The following OTUD4 variants were observed in gnomAD, a reference collection of about 807,000 sequenced individuals.
OTUD4 encodes OTU deubiquitinase 4, also known as OTU domain-containing protein 4.
Under a neutral mutation model 130.4 loss-of-function variants are expected in OTUD4, and 24 were observed. The ratio of observed to expected loss-of-function variants is 0.18; its 90% confidence interval spans 0.13 to 0.26. The LOEUF is 0.26. OTUD4 is among the 10% of genes least tolerant of loss of function. OTUD4 has a pLI of 1.00. For synonymous variants in OTUD4, 420 were observed against 472.5 expected, an observed-to-expected ratio of 0.89 and a Z score of 1.44; for missense variants, 1,031 against 1,329.4, an observed-to-expected ratio of 0.78 and a Z score of 3.49.
At chr4:145,172,114 C>T (rs957236048) in intron 2 of OTUD4, among the ~76,000 whole-genome samples, 1 of 152,218 alleles carries the variant, frequency 6.6e-6, no homozygotes, top group South Asian at 2.1e-4. Flanking sequence ...TGTTGTGGAA[C>T]TGAGTGGGAG....
intron 13 of OTUD4, among the ~76,000 whole-genome samples, chr4:145,148,852 T>C (rs1750937400): frequency 6.6e-6 from 1 of 152,206 alleles, no homozygotes; most frequent in African/African-American, 2.4e-5. Flanking sequence ...TCTTAGATAC[T>C]TTTCGTGCAT....
rs987788482 is a variant in OTUD4, at chr4:145,159,651, G to A, written c.497-16C>T. 34 of 1,610,018 alleles carry A rather than the reference G, an allele frequency of 2.1e-5. No homozygotes were observed. Among genetic ancestry groups the A allele is most frequent in the Non-Finnish European group, 2.9e-5 (34 of 1,178,060 alleles). ...TAAAGGAGAGCTGCAATTAATGACA[G>A]ACAGATTTTCCAACATTAACTACAG... On this transcript the variant is annotated splice_polypyrimidine_tract_variant and intron_variant, in intron 6 of 20. Coordinates refer to ENST00000447906, the MANE Select transcript of OTUD4 (RefSeq NM_001366057.1).
intron 1 of OTUD4, among the ~76,000 whole-genome samples, chr4:145,176,628 G>A (rs1323266473): frequency 1.3e-5 from 2 of 152,138 alleles, no homozygotes; most frequent in Non-Finnish European, 2.9e-5. Flanking sequence ...GAAACCAGGA[G>A]GCAGAGGTTG....
chr4:145,151,860 G>T (rs1751084262), intron 11 of OTUD4, among the ~76,000 whole-genome samples: 3 of 152,114 alleles, frequency 2.0e-5, no homozygotes, highest in African/African-American at 7.2e-5. Context: ...CACTGTATAA[G>T]GTAAGCCAAC....
chr4:145,162,551 CA>C (rs528133721), intron 6 of OTUD4, 88 bp downstream of exon 6: 170 of 637,664 alleles, frequency 2.7e-4, no homozygotes, highest in Admixed American at 4.2e-4. Flanking sequence ...GACTCCGTCT[CA>C]AAAAAAAACA....
intron 13 of OTUD4, among the ~76,000 whole-genome samples, chr4:145,148,752 A>C (rs919968833): frequency 2.0e-5 from 3 of 152,182 alleles, no homozygotes; most frequent in Admixed American, 6.5e-5. Context: ...AAAAAATGGG[A>C]ATATTAAACA....
intron 7 of OTUD4, 85 bp downstream of exon 7, chr4:145,159,418 G>C: frequency 1.3e-6 from 2 of 1,582,544 alleles, no homozygotes; most frequent in Non-Finnish European, 1.7e-6. Flanking sequence ...ATATGTTATA[G>C]AAAGACATTT....
chr4:145,137,354 T>G lies in OTUD4; in HGVS notation c.*76A>C. ...AAGAGTTCCAACTGCGGTTTTTACT[T>G]TATTGTATTTTTTTTAAAGCCTTCA... On this transcript the variant is annotated 3_prime_UTR_variant, in exon 21 of 21. Transcript: ENST00000447906. 7.8e-7 allele frequency: 1 copy of G among 1,283,912 alleles called. No individual in the cohort carries two copies. Among genetic ancestry groups the G allele is most frequent in the Non-Finnish European group, 1.1e-6 (1 of 920,222 alleles). 79.5% of individuals were successfully genotyped at this position (1,283,912 alleles called of 1,614,324 possible).
At chr4:145,178,214 T>TA (rs1290209090) in intron 1 of OTUD4, 1 of 152,206 alleles carries the variant, frequency 6.6e-6, no homozygotes, top group Non-Finnish European at 1.5e-5. Context: ...AAAAGAGGCT[T>TA]CTGTATAATC....
intron 13 of OTUD4, among the ~76,000 whole-genome samples, chr4:145,148,366 G>A (rs1208856895): frequency 6.6e-6 from 1 of 152,164 alleles, no homozygotes; most frequent in Non-Finnish European, 1.5e-5. Flanking sequence ...AGGCATGGTG[G>A]TGCATGCCTA....
At chr4:145,165,713 T>C (rs1441385980) in intron 3 of OTUD4, among the ~76,000 whole-genome samples, 2 of 151,582 alleles carry the variant, frequency 1.3e-5, no homozygotes, top group East Asian at 3.9e-4. Flanking sequence ...TGACCTCAGG[T>C]GATCCACCCG....
At chr4:145,146,184 C>A in intron 14 of OTUD4, 83 bp downstream of exon 14, 1 of 828,156 alleles carries the variant, frequency 1.2e-6, no homozygotes, top group South Asian at 3.4e-5. Context: ...ATTAGTTTAC[C>A]CTTGGGAACT....
intron 5 of OTUD4, among the ~76,000 whole-genome samples, chr4:145,163,212 A>G (rs1315916570): frequency 6.6e-6 from 1 of 152,186 alleles, no homozygotes; most frequent in Non-Finnish European, 1.5e-5. Context: ...GATCCCTTAG[A>G]AAGTCCCAGA....
intron 1 of OTUD4, among the ~76,000 whole-genome samples, chr4:145,176,036 T>A (rs1194372044): frequency 6.8e-6 from 1 of 147,236 alleles, no homozygotes; most frequent in Non-Finnish European, 1.5e-5. Flanking sequence ...TAATTTTTCT[T>A]TCTTTCTTTT....
chr4:145,150,457 T>C, intron 13 of OTUD4, 56 bp downstream of exon 13: 1 of 1,219,418 alleles, frequency 8.2e-7, no homozygotes, highest in Non-Finnish European at 1.2e-6. Flanking sequence ...ATGTGGCAAA[T>C]ATAACAAATG....
At position 145,141,373 on chromosome 4, in the gene OTUD4, G is replaced by C. The variant is rs757029657; in HGVS notation, c.2083+6C>G. 7 of 1,574,248 alleles carry C rather than the reference G, an allele frequency of 4.4e-6. No individual in the cohort carries two copies. The highest frequency in any genetic ancestry group is 6.0e-6 in the Non-Finnish European group (7 of 1,161,372). On this transcript the variant is annotated splice_donor_region_variant and intron_variant, in intron 19 of 20. Coordinates refer to ENST00000447906, the MANE Select transcript of OTUD4 (RefSeq NM_001366057.1). ...AAGTCGATTTGAACTTGGAGAAGGAGCTCACCTTTAGGTAGGTCCTCCCCA... is the reference window on the plus strand; with the variant it reads ...AAGTCGATTTGAACTTGGAGAAGGACCTCACCTTTAGGTAGGTCCTCCCCA...
At position 145,155,618 on chromosome 4, in the gene OTUD4, A is replaced by G; in HGVS notation, c.759T>C (p.Pro253=). ...CATATTCCACATTTCTATAGACTGCAGGATTGAGTGACTTAAGAACCTTTC... is the reference window on the plus strand; with the variant it reads ...CATATTCCACATTTCTATAGACTGCGGGATTGAGTGACTTAAGAACCTTTC... The part of the protein sequence containing the change: ...LSRKVLKSLN[P]AVYRNVEYEI... Residue 253 remains proline, a synonymous_variant, in exon 9 of 21, where the codon CCT becomes CCC. Transcript: ENST00000447906. 1 of 1,613,186 alleles carries G rather than the reference A, an allele frequency of 6.2e-7. No homozygotes were observed. The highest frequency in any genetic ancestry group is 8.5e-7 in the Non-Finnish European group (1 of 1,179,570).
rs377023178 is a variant in OTUD4, at chr4:145,169,509, G to A, written c.294+2161C>T. Among the ~76,000 whole-genome samples the A allele has an allele frequency of 5.2e-4, 79 of 152,234 alleles. No homozygotes were observed. The South Asian group carries it at 0.016, about 31-fold the overall frequency. On this transcript the variant is annotated intron_variant, in intron 3 of 20. Coordinates refer to ENST00000447906, the MANE Select transcript of OTUD4 (RefSeq NM_001366057.1). Reference sequence around the variant, plus strand: ...ATATATTTATTTATTTTTTGAGATGGAGTCTCACCCTGTTGCCCAGGCTGG... The same window carrying A: ...ATATATTTATTTATTTTTTGAGATGAAGTCTCACCCTGTTGCCCAGGCTGG...
At chr4:145,159,416 T>C (rs1212380021) in intron 7 of OTUD4, 87 bp downstream of exon 7, 9 of 1,583,882 alleles carry the variant, frequency 5.7e-6, no homozygotes, top group African/African-American at 5.4e-5. Context: ...ATATATGTTA[T>C]AGAAAGACAT....
Sources: gnomAD v4.1 joint callset for allele counts (sites outside exome capture counted in the v4.1 genomes callset) on GRCh38, gnomAD v4.1.1 for gene constraint, MANE v1.5 for transcripts, NCBI Gene and HGNC (gene_info 2026-07-23, HGNC 2026-07-21) for gene names.